Variants in MAGI2 observed in about 807,000 individuals in gnomAD.
The protein encoded by MAGI2 is membrane associated guanylate kinase, WW and PDZ domain containing 2, also known as membrane-associated guanylate kinase, WW and PDZ domain-containing protein 2.
Under a neutral mutation model 133.3 loss-of-function variants are expected in MAGI2, and 35 were observed. The observed-to-expected ratio is 0.26, with a 90% CI of 0.20 to 0.35. The LOEUF (loss-of-function observed/expected upper bound fraction) is 0.35. Ranked by LOEUF, MAGI2 falls within the 10% of genes least tolerant of loss-of-function variation. The probability of loss-of-function intolerance (pLI) is 1.00; values close to 1 mark genes in which losing one functional copy is unlikely to be tolerated. For missense variants in MAGI2, 1,636 were observed against 1,863.4 expected (o/e 0.88, Z 2.25); for synonymous variants, 729 against 710.6 (o/e 1.03, Z -0.41).
chr7:79,213,305 T>C (rs1016958811), intron 1 of MAGI2, among the ~76,000 whole-genome samples: 1 of 150,244 alleles, frequency 6.7e-6, no homozygotes, highest in Non-Finnish European at 1.5e-5. Flanking sequence ...CGTGTGTGTA[T>C]TTACACACAC....
intron 2 of MAGI2, among the ~76,000 whole-genome samples, chr7:78,827,452 A>AT (rs35310465): frequency 0.42 from 63,941 of 151,518 alleles, 13,887 homozygotes; most frequent in Admixed American, 0.5. Context: ...TTAATTTTGA[A>AT]TTTTTTGTAG....
chr7:78,485,917 CA>C (rs1488510123), intron 6 of MAGI2: 1 of 151,906 alleles, frequency 6.6e-6, no homozygotes, highest in Admixed American at 6.6e-5. Context: ...CATGAGAAAA[CA>C]GAAAGCCTAG....
chr7:78,371,119 C>T (rs781140192), intron 6 of MAGI2, among the ~76,000 whole-genome samples: 26 of 151,896 alleles, frequency 1.7e-4, no homozygotes, highest in Non-Finnish European at 1.9e-4. Flanking sequence ...AAGGCATAAA[C>T]ACCACTTAAT....
intron 2 of MAGI2, among the ~76,000 whole-genome samples, chr7:78,847,313 A>G (rs1415121437): frequency 6.6e-6 from 1 of 152,028 alleles, no homozygotes; most frequent in Non-Finnish European, 1.5e-5. Flanking sequence ...AAGACAGCTT[A>G]TAAATGCACA....
intron 10 of MAGI2, among the ~76,000 whole-genome samples, chr7:78,208,155 T>TTTTTTAA (rs1554499970): frequency 6.9e-6 from 1 of 145,250 alleles, no homozygotes; most frequent in Non-Finnish European, 1.5e-5. Context: ...TTTTTTTTTT[T>TTTTTTAA]AATATGGGGA....
In MAGI2 at chr7:79,034,773, C is replaced by A. The variant is rs993403463; in HGVS notation, c.302-27567G>T. On this transcript the variant is annotated intron_variant, in intron 1 of 21. Transcript: ENST00000354212. The stretch of plus-strand genomic sequence containing the variant: ...TAAGCACATAAGACGAAACCACTCA[C>A]CCTTGTCCTTCGTCAAGGTAGAAAT... 4.9e-5 allele frequency among the ~76,000 whole-genome samples: 6 copies of A among 122,044 alleles called. No homozygotes were observed. The East Asian group carries it at 1.1e-3, about 23-fold the overall frequency. 80.1% of individuals were successfully genotyped at this position (122,044 alleles called of 152,430 possible).
chr7:78,240,493 G>A (rs972959382), intron 10 of MAGI2, among the ~76,000 whole-genome samples: 6 of 152,298 alleles, frequency 3.9e-5, no homozygotes, highest in African/African-American at 1.4e-4. Flanking sequence ...TTGCAACAGC[G>A]TGGGTGAACT....
intron 9 of MAGI2, among the ~76,000 whole-genome samples, chr7:78,314,427 T>C (rs144895072): frequency 6.6e-6 from 1 of 152,170 alleles, no homozygotes; most frequent in African/African-American, 2.4e-5. Flanking sequence ...GGAATTATCA[T>C]GCTATCCTGA....
chr7:79,446,649 T>C (rs1483128960), intron 1 of MAGI2, among the ~76,000 whole-genome samples: 1 of 152,164 alleles, frequency 6.6e-6, no homozygotes, highest in East Asian at 1.9e-4. Flanking sequence ...CTAATGGATC[T>C]TTGAAAGTAT....
At chr7:79,256,486 CTTTTTTTTTT>C (rs11303181) in intron 1 of MAGI2, among the ~76,000 whole-genome samples, 2 of 82,774 alleles carry the variant, frequency 2.4e-5, no homozygotes, top group East Asian at 3.7e-4. Flanking sequence ...CTCTCTCTCT[CTTTTTTTTTT>C]TTTTTTTTTT....
intron 6 of MAGI2, among the ~76,000 whole-genome samples, chr7:78,489,419 T>C (rs1449175058): frequency 6.6e-6 from 1 of 152,046 alleles, no homozygotes; most frequent in East Asian, 1.9e-4. Flanking sequence ...GTTTCTCTTA[T>C]GCATCATATC....
chr7:78,609,434 A>G (rs1361536840), intron 3 of MAGI2, among the ~76,000 whole-genome samples: 1 of 152,240 alleles, frequency 6.6e-6, no homozygotes, highest in Non-Finnish European at 1.5e-5. Flanking sequence ...AACAAATACT[A>G]TTACATAAAG....
At chr7:78,726,084 G>C (rs1820779390) in intron 2 of MAGI2, among the ~76,000 whole-genome samples, 1 of 152,050 alleles carries the variant, frequency 6.6e-6, no homozygotes, top group African/African-American at 2.4e-5. Flanking sequence ...AGATAATTTG[G>C]ATAGGGACAT....
intron 21 of MAGI2, among the ~76,000 whole-genome samples, chr7:78,055,325 C>T (rs1441991570): frequency 3.3e-5 from 5 of 152,218 alleles, no homozygotes; most frequent in Admixed American, 2.0e-4. Flanking sequence ...TTTACATTAC[C>T]TATCCCCATA....
chr7:78,141,413 C>T (rs1357977625), intron 16 of MAGI2, among the ~76,000 whole-genome samples: 1 of 152,132 alleles, frequency 6.6e-6, no homozygotes, highest in African/African-American at 2.4e-5. Flanking sequence ...CAAACCCATT[C>T]AGATAGATAT....
intron 2 of MAGI2, among the ~76,000 whole-genome samples, chr7:78,859,945 C>G (rs985324478): frequency 6.6e-6 from 1 of 152,044 alleles, no homozygotes; most frequent in Non-Finnish European, 1.5e-5. Context: ...TTTCTTTTTA[C>G]TCTTTTTTCT....
At chr7:79,291,935 T>C (rs901520355) in intron 1 of MAGI2, among the ~76,000 whole-genome samples, 3 of 152,088 alleles carry the variant, frequency 2.0e-5, no homozygotes, top group East Asian at 3.9e-4. Context: ...ATTTATCTGA[T>C]TTTTTTTCAC....
chr7:78,124,759 C>A (rs538494013), intron 20 of MAGI2, among the ~76,000 whole-genome samples: 1 of 151,940 alleles, frequency 6.6e-6, no homozygotes, highest in African/African-American at 2.4e-5. Context: ...TGTTTTATAC[C>A]CTTAAATGAA....
At chr7:79,441,497 G>A (rs1848492967) in intron 1 of MAGI2, among the ~76,000 whole-genome samples, 1 of 151,798 alleles carries the variant, frequency 6.6e-6, no homozygotes, top group Non-Finnish European at 1.5e-5. Context: ...TACTGTTTGG[G>A]CTAGCAAATA....
Sources: allele counts gnomAD v4.1 joint callset (sites outside exome capture counted in the v4.1 genomes callset), GRCh38; gene constraint gnomAD v4.1.1; transcripts MANE v1.5; gene names NCBI Gene and HGNC (gene_info 2026-07-23, HGNC 2026-07-21).